The following PPP6R3 variants were observed in gnomAD, a reference collection of about 807,000 sequenced individuals.
The protein encoded by PPP6R3 is protein phosphatase 6 regulatory subunit 3, also known as serine/threonine-protein phosphatase 6 regulatory subunit 3.
A neutral mutation model predicts 110.7 loss-of-function variants in PPP6R3; 38 were observed. That is an observed-to-expected ratio of 0.34 (90% CI 0.26 to 0.45). PPP6R3 has a LOEUF of 0.45. PPP6R3 is among the 20% of genes least tolerant of loss of function. The pLI, the probability that PPP6R3 is intolerant of heterozygous loss-of-function variation, is 1.00. For missense variants in PPP6R3, 870 were observed against 1,062.4 expected, an observed-to-expected ratio of 0.82 and a Z score of 2.52; for synonymous variants, 369 against 373.5, an observed-to-expected ratio of 0.99 and a Z score of 0.14.
intron 1 of PPP6R3, among the ~76,000 whole-genome samples, chr11:68,494,403 A>G (rs1323969361): frequency 4.1e-5 from 5 of 123,122 alleles, no homozygotes; most frequent in African/African-American, 1.7e-4. Flanking sequence ...ACACGCCTGT[A>G]ATCTCAAAAA....
At chr11:68,580,746 C>CTTTTTTTTTTTTTTTTT (rs71043441) in intron 14 of PPP6R3, among the ~76,000 whole-genome samples, 1 of 67,530 alleles carries the variant, frequency 1.5e-5, no homozygotes, top group Non-Finnish European at 2.8e-5. Flanking sequence ...GGTAAATAAT[C>CTTTTTTTTTTTTTTTTT]TTTTTTTTTT....
intron 1 of PPP6R3, among the ~76,000 whole-genome samples, chr11:68,501,190 AT>A (rs1289540872): frequency 6.6e-6 from 1 of 152,226 alleles, no homozygotes; most frequent in Non-Finnish European, 1.5e-5. Context: ...ATAACTCAAA[AT>A]TCTTAAGTTC....
chr11:68,553,333 G>A (rs1593026792), intron 6 of PPP6R3, among the ~76,000 whole-genome samples: 1 of 120,112 alleles, frequency 8.3e-6, no homozygotes, highest in East Asian at 2.4e-4. Context: ...CGCTTTTGTT[G>A]CCCAGGCTGG....
intron 11 of PPP6R3, among the ~76,000 whole-genome samples, chr11:68,570,690 A>C (rs1270573909): frequency 1.3e-5 from 2 of 152,256 alleles, no homozygotes; most frequent in Non-Finnish European, 2.9e-5. Flanking sequence ...TTGCCAAGGC[A>C]TAGTTTTCTT....
chr11:68,602,000 G>A (rs745688273), intron 21 of PPP6R3, 31 bp downstream of exon 21: 1 of 1,525,190 alleles, frequency 6.6e-7, no homozygotes, highest in East Asian at 2.3e-5. Context: ...GTACACGCCA[G>A]GGTCACGTGG....
intron 18 of PPP6R3, among the ~76,000 whole-genome samples, chr11:68,592,654 C>A (rs1311712356): frequency 6.6e-6 from 1 of 152,138 alleles, no homozygotes; most frequent in Non-Finnish European, 1.5e-5. Flanking sequence ...TTATTTATTC[C>A]TGCTCTCGTC....
At chr11:68,479,711 T>G (rs889141482) in intron 1 of PPP6R3, among the ~76,000 whole-genome samples, 1 of 152,152 alleles carries the variant, frequency 6.6e-6, no homozygotes. Context: ...GAGTTCTTAT[T>G]TCTTATCCTT....
chr11:68,601,936 C>A lies in PPP6R3; in HGVS notation c.2266C>A (p.Pro756Thr), dbSNP rs2099633050. The A allele has an allele frequency of 1.2e-6, 2 of 1,613,176 alleles. No individual in the cohort carries two copies. Among genetic ancestry groups the A allele is most frequent in the African/African-American group, 1.3e-5 (1 of 74,910 alleles). The change falls in exon 21 of 24, where the codon CCC (proline) becomes ACC (threonine). Residue 756 changes from proline (P) to threonine (T), a missense_variant. Coordinates refer to ENST00000393800, the MANE Select transcript of PPP6R3 (RefSeq NM_001164161.2). The stretch of plus-strand genomic sequence containing the variant: ...CACTGAACCCATGGACCCTCTGACT[C>A]CCAGTGCGGCTGCCCTGGCAGTGCA... ...TSTEPMDPLT[P>T]SAAALAVQPE...
At position 68,598,494 on chromosome 11, in the gene PPP6R3, G is replaced by A. The variant is rs1230561205; in HGVS notation, c.2039-1847G>A. ...AGGGAACCAGGCCTCCTGCTTCTCTGTTCCTTGGGAAAGACAGCTTTTGCA... is the reference window on the plus strand; with the variant it reads ...AGGGAACCAGGCCTCCTGCTTCTCTATTCCTTGGGAAAGACAGCTTTTGCA... On this transcript the variant is annotated intron_variant, in intron 19 of 23. Transcript: ENST00000393800. 2.0e-5 allele frequency among the ~76,000 whole-genome samples: 3 copies of A among 152,140 alleles called. No homozygotes were observed. In the East Asian group the frequency reaches 5.8e-4, roughly 29 times the overall value.
intron 2 of PPP6R3, among the ~76,000 whole-genome samples, chr11:68,520,658 C>T (rs938863553): frequency 1.3e-5 from 2 of 152,220 alleles, no homozygotes; most frequent in African/African-American, 2.4e-5. Flanking sequence ...TTCTCGTACA[C>T]GACTTAGGAT....
At chr11:68,605,530 C>G (rs1162597520) in intron 22 of PPP6R3, among the ~76,000 whole-genome samples, 1 of 152,158 alleles carries the variant, frequency 6.6e-6, no homozygotes, top group African/African-American at 2.4e-5. Flanking sequence ...AAAGCATGAA[C>G]TGTACAGCTT....
At chr11:68,584,725 C>T (rs554814278) in intron 15 of PPP6R3, among the ~76,000 whole-genome samples, 11 of 152,306 alleles carry the variant, frequency 7.2e-5, no homozygotes, top group Admixed American at 2.0e-4. Context: ...GAAGCCATTT[C>T]ATTCACAAAA....
chr11:68,506,003 T>C (rs2153505457), intron 1 of PPP6R3, among the ~76,000 whole-genome samples: 1 of 152,210 alleles, frequency 6.6e-6, no homozygotes, highest in Admixed American at 6.5e-5. Flanking sequence ...CTTTTTTTCT[T>C]TATTTTTGGA....
At chr11:68,487,020 T>C (rs1378373710) in intron 1 of PPP6R3, among the ~76,000 whole-genome samples, 1 of 152,192 alleles carries the variant, frequency 6.6e-6, no homozygotes, top group African/African-American at 2.4e-5. Context: ...TATTGTTGTT[T>C]CCTGAAAACC....
chr11:68,478,977 A>G (rs984786044), intron 1 of PPP6R3, among the ~76,000 whole-genome samples: 2 of 152,168 alleles, frequency 1.3e-5, no homozygotes, highest in African/African-American at 4.8e-5. Context: ...AATTTTATAC[A>G]ATATTTTCAT....
At chr11:68,566,184 G>C (rs935488623) in intron 9 of PPP6R3, among the ~76,000 whole-genome samples, 1 of 152,156 alleles carries the variant, frequency 6.6e-6, no homozygotes, top group African/African-American at 2.4e-5. Flanking sequence ...GGCTCAGACT[G>C]AGGATTGTAT....
intron 1 of PPP6R3, among the ~76,000 whole-genome samples, chr11:68,511,070 CTT>C (rs59968909): frequency 5.6e-5 from 8 of 143,746 alleles, no homozygotes; most frequent in Admixed American, 6.9e-5. Flanking sequence ...ACCATGCATA[CTT>C]TTTTTTTTTT....
intron 8 of PPP6R3, among the ~76,000 whole-genome samples, chr11:68,563,501 C>G (rs1370165772): frequency 6.6e-6 from 1 of 152,168 alleles, no homozygotes; most frequent in Non-Finnish European, 1.5e-5. Context: ...CTTCAGAGAT[C>G]TTTTTTCCAA....
At chr11:68,578,538 G>A (rs78599653) in intron 14 of PPP6R3, among the ~76,000 whole-genome samples, 3,246 of 152,290 alleles carry the variant, frequency 0.021, 125 homozygotes, top group African/African-American at 0.074. Flanking sequence ...TAGAAGTGGA[G>A]TCAGCCCAGT....
Sources: gnomAD v4.1 joint callset for allele counts (sites outside exome capture counted in the v4.1 genomes callset) on GRCh38, gnomAD v4.1.1 for gene constraint, MANE v1.5 for transcripts, NCBI Gene and HGNC (gene_info 2026-07-23, HGNC 2026-07-21) for gene names.